CSMD3: variants seen among roughly 807,000 people sequenced by gnomAD.
The protein encoded by CSMD3 is CUB and Sushi multiple domains 3.
Under a neutral mutation model 435.2 loss-of-function variants are expected in CSMD3, and 177 were observed. That is an observed-to-expected ratio of 0.41 (90% CI 0.36 to 0.46). The LOEUF (loss-of-function observed/expected upper bound fraction) is 0.46, where lower values mean the gene tolerates loss of function less well. Ranked by LOEUF, CSMD3 falls within the 20% of genes least tolerant of loss-of-function variation. The pLI, the probability that CSMD3 is intolerant of heterozygous loss-of-function variation, is 0.34. For synonymous variants in CSMD3, 1,656 were observed against 1,520.5 expected (o/e 1.09, Z -2.07); for missense variants, 4,265 against 4,504.6 (o/e 0.95, Z 1.52).
At chr8:112,674,298 T>G (rs1428813979) in intron 16 of CSMD3, among the ~76,000 whole-genome samples, 3 of 152,132 alleles carry the variant, frequency 2.0e-5, no homozygotes, top group Non-Finnish European at 4.4e-5. Flanking sequence ...AGGGCTGGGA[T>G]GAGGTGAAAG....
chr8:113,274,101 T>C (rs893580569), intron 3 of CSMD3, among the ~76,000 whole-genome samples: 1 of 152,052 alleles, frequency 6.6e-6, no homozygotes, highest in African/African-American at 2.4e-5. Flanking sequence ...AAATAAAGCA[T>C]AAAGTTTTTA....
chr8:112,229,602 T>C (rs1411124260), intron 69 of CSMD3, among the ~76,000 whole-genome samples: 1 of 152,038 alleles, frequency 6.6e-6, no homozygotes, highest in Admixed American at 6.6e-5. Context: ...CTAACTTTTG[T>C]ATTTTTTGTG....
chr8:112,731,101 T>C (rs1266354815), intron 13 of CSMD3, among the ~76,000 whole-genome samples: 1 of 152,114 alleles, frequency 6.6e-6, no homozygotes, highest in Non-Finnish European at 1.5e-5. Flanking sequence ...GTAGCATTGT[T>C]ATTATTATTG....
intron 3 of CSMD3, among the ~76,000 whole-genome samples, chr8:113,182,460 T>G (rs1237853017): frequency 6.6e-6 from 1 of 151,656 alleles, no homozygotes; most frequent in Non-Finnish European, 1.5e-5. Flanking sequence ...AGGGTTGCAC[T>G]TTGGAAAGAC....
At chr8:112,865,688 A>C (rs1271955323) in intron 10 of CSMD3, among the ~76,000 whole-genome samples, 88 of 19,602 alleles carry the variant, frequency 4.5e-3, no homozygotes, top group South Asian at 3.8e-3. Context: ...TACATACCCC[A>C]CACACACACA....
At chr8:112,352,263 A>T (rs1826194452) in intron 39 of CSMD3, among the ~76,000 whole-genome samples, 153 bp downstream of exon 39, 1 of 152,136 alleles carries the variant, frequency 6.6e-6, no homozygotes, top group Non-Finnish European at 1.5e-5. Context: ...AATATTTCTC[A>T]TGTGCATATT....
intron 35 of CSMD3, among the ~76,000 whole-genome samples, chr8:112,404,960 T>G (rs1831646625): frequency 6.6e-6 from 1 of 151,312 alleles, no homozygotes; most frequent in Non-Finnish European, 1.5e-5. Flanking sequence ...GGTGGATTAC[T>G]TGAGGCTAGG....
At chr8:112,343,905 T>TA (rs1825417941) in intron 41 of CSMD3, among the ~76,000 whole-genome samples, 1 of 151,840 alleles carries the variant, frequency 6.6e-6, no homozygotes, top group South Asian at 2.1e-4. Flanking sequence ...TTTTTTGAGA[T>TA]AGAGTCTTGC....
chr8:113,355,663 C>A (rs1019068589), intron 1 of CSMD3, among the ~76,000 whole-genome samples: 10 of 146,826 alleles, frequency 6.8e-5, no homozygotes, highest in African/African-American at 2.3e-4. Flanking sequence ...GTCCATAGCA[C>A]AAATATAAAT....
chr8:112,939,374 C>T (rs2083381045), intron 9 of CSMD3, among the ~76,000 whole-genome samples: 1 of 152,014 alleles, frequency 6.6e-6, no homozygotes. Flanking sequence ...CATTTATTAG[C>T]CCCTCTTTGT....
chr8:112,615,819 A>G (rs900598233), intron 22 of CSMD3, among the ~76,000 whole-genome samples: 1 of 152,140 alleles, frequency 6.6e-6, no homozygotes, highest in African/African-American at 2.4e-5. Flanking sequence ...AGTATATTCT[A>G]TTACAGAAAT....
intron 10 of CSMD3, among the ~76,000 whole-genome samples, chr8:112,865,872 T>A (rs2080966793): frequency 6.6e-6 from 1 of 152,128 alleles, no homozygotes; most frequent in Admixed American, 6.5e-5. Context: ...AGTGAGCAAA[T>A]GATTAAAATA....
At chr8:113,073,227 G>A (rs2089200321) in intron 5 of CSMD3, among the ~76,000 whole-genome samples, 1 of 149,010 alleles carries the variant, frequency 6.7e-6, no homozygotes, top group African/African-American at 2.4e-5. Flanking sequence ...TTTCTATTGG[G>A]AGACACTTTT....
intron 5 of CSMD3, among the ~76,000 whole-genome samples, chr8:113,059,751 CA>C (rs1387022452): frequency 6.6e-6 from 1 of 151,970 alleles, no homozygotes; most frequent in African/African-American, 2.4e-5. Context: ...CTATTGGGAA[CA>C]AAGAAAGGAA....
chr8:112,629,921 G>C (rs1362557096), intron 22 of CSMD3, among the ~76,000 whole-genome samples: 1 of 152,134 alleles, frequency 6.6e-6, no homozygotes, highest in African/African-American at 2.4e-5. Flanking sequence ...ATTCACCAGA[G>C]AGACACCCCT....
chr8:112,904,683 C>T (rs1180370687), intron 10 of CSMD3, among the ~76,000 whole-genome samples: 1 of 151,352 alleles, frequency 6.6e-6, no homozygotes, highest in Non-Finnish European at 1.5e-5. Context: ...TTCTGGAAGG[C>T]ACTGATGCCA....
intron 1 of CSMD3, among the ~76,000 whole-genome samples, chr8:113,390,852 T>A (rs2094458472): frequency 1.3e-5 from 2 of 152,130 alleles, no homozygotes; most frequent in South Asian, 4.1e-4. Context: ...ATGGAAAGTA[T>A]CTGGAACCTA....
chr8:112,435,892 A>G (rs1254184172), intron 32 of CSMD3, among the ~76,000 whole-genome samples: 2 of 152,016 alleles, frequency 1.3e-5, no homozygotes, highest in Admixed American at 6.6e-5. Context: ...CTCTGAAAAG[A>G]TGTTTTCATT....
chr8:113,422,145 G>A (rs938493231), intron 1 of CSMD3, among the ~76,000 whole-genome samples: 5 of 152,068 alleles, frequency 3.3e-5, no homozygotes, highest in Admixed American at 2.6e-4. Flanking sequence ...GGGTATTTAA[G>A]CCTCAACCAT....
Sources: gnomAD v4.1 joint callset for allele counts (sites outside exome capture counted in the v4.1 genomes callset) on GRCh38, gnomAD v4.1.1 for gene constraint, MANE v1.5 for transcripts, NCBI Gene and HGNC (gene_info 2026-07-23, HGNC 2026-07-21) for gene names.